LRP1B: variants seen among roughly 807,000 people sequenced by gnomAD.
LRP1B encodes low-density lipoprotein receptor-related protein 1B.
A neutral mutation model predicts 556.6 loss-of-function variants in LRP1B; 217 were observed. The observed-to-expected ratio is 0.39, with a 90% CI of 0.35 to 0.44. The LOEUF is 0.44. Among genes scored for constraint, LRP1B ranks in the 20% least tolerant of loss-of-function variants. The pLI is 1.00. For synonymous variants in LRP1B, 2,047 were observed against 1,865.8 expected, an observed-to-expected ratio of 1.10 and a Z score of -2.50; for missense variants, 5,053 against 5,620.8, an observed-to-expected ratio of 0.90 and a Z score of 3.23.
At chr2:140,688,448 G>GAATA (rs1472150461) in intron 41 of LRP1B, among the ~76,000 whole-genome samples, 1 of 142,914 alleles carries the variant, frequency 7.0e-6, no homozygotes, top group Non-Finnish European at 1.5e-5. Context: ...GGTTTTCAAG[G>GAATA]AATATAACAG....
intron 23 of LRP1B, among the ~76,000 whole-genome samples, chr2:140,891,401 A>G (rs895409795): frequency 1.3e-5 from 2 of 152,168 alleles, no homozygotes; most frequent in Non-Finnish European, 2.9e-5. Context: ...ACAACTAGCA[A>G]TTCTATGTGA....
rs369966976 is a variant in LRP1B at position 140,406,911 on chromosome 2, C to A, written c.10415-20902G>T. On this transcript the variant is annotated intron_variant, in intron 66 of 90. Coordinates refer to ENST00000389484, the MANE Select transcript of LRP1B (RefSeq NM_018557.3). The stretch of plus-strand genomic sequence containing the variant: ...GCAATACTACGTAAAAAGAACAAAT[C>A]TGGAGGCATTACAGTACCAGACTTC... Among the ~76,000 whole-genome samples the A allele has an allele frequency of 7.9e-5, 12 of 152,218 alleles. No individual in the cohort carries two copies. The South Asian group carries it at 2.5e-3, about 32-fold the overall frequency.
At chr2:141,114,392 T>A (rs1382062852) in intron 7 of LRP1B, among the ~76,000 whole-genome samples, 6 of 152,164 alleles carry the variant, frequency 3.9e-5, no homozygotes, top group Admixed American at 2.6e-4. Flanking sequence ...GATGATGAAT[T>A]CAGGGATTTT....
intron 1 of LRP1B, among the ~76,000 whole-genome samples, chr2:142,130,418 C>T (rs1707809349): frequency 6.6e-6 from 1 of 152,274 alleles, no homozygotes; most frequent in African/African-American, 2.4e-5. Flanking sequence ...AAATGGGGAC[C>T]GGGAAACGGC....
chr2:141,163,850 A>C (rs1387207234), intron 7 of LRP1B, among the ~76,000 whole-genome samples: 1 of 152,074 alleles, frequency 6.6e-6, no homozygotes, highest in East Asian at 1.9e-4. Context: ...AAATGAACTA[A>C]TACAGGTATC....
rs563021815 is a variant in LRP1B, at chr2:140,938,516, G to T, written c.3136+11719C>A. Reference sequence around the variant, plus strand: ...ATTGAAATTGAGTATGCAATTGAGAGCAAGGTAGCAGTTACTGGGGGTTCA... The same window carrying T: ...ATTGAAATTGAGTATGCAATTGAGATCAAGGTAGCAGTTACTGGGGGTTCA... On this transcript the variant is annotated intron_variant, in intron 20 of 90. Coordinates refer to ENST00000389484, the MANE Select transcript of LRP1B (RefSeq NM_018557.3). Among the ~76,000 whole-genome samples the T allele has an allele frequency of 5.9e-4, 90 of 152,146 alleles. No individual in the cohort carries two copies. The South Asian group carries it at 8.5e-3, about 14-fold the overall frequency.
At chr2:140,503,206 G>T in intron 53 of LRP1B, 103 bp from the exon 54 acceptor site, 1 of 943,540 alleles carries the variant, frequency 1.1e-6, no homozygotes, top group Non-Finnish European at 1.6e-6. Context: ...GATTACTCAT[G>T]TCTCCCATGA....
rs376664980 is a variant in LRP1B, at chr2:140,475,293, C to A, written c.9470G>T (p.Arg3157Leu). 7 of 1,609,800 alleles carry A rather than the reference C, an allele frequency of 4.3e-6. No homozygotes were observed. The highest frequency in any genetic ancestry group is 5.9e-6 in the Non-Finnish European group (7 of 1,177,544). Residue 3157 changes from arginine (R) to leucine (L), a missense_variant, in exon 60 of 91, where the codon CGT becomes CTT. Transcript: ENST00000389484. ...CTGATTGGTTCCATCCATTCCAACA[C>A]GGCCAATATGAGGATACTCGCAGCA... ...IDCCEYPHIGRVGMDGTNQSV... is the reference protein window; with the variant it reads ...IDCCEYPHIGLVGMDGTNQSV...
intron 1 of LRP1B, among the ~76,000 whole-genome samples, chr2:142,110,470 G>A (rs1412247363): frequency 6.6e-6 from 1 of 152,200 alleles, no homozygotes; most frequent in African/African-American, 2.4e-5. Context: ...CAAGAGAGCA[G>A]TCATGATTTG....
At chr2:141,328,893 G>C (rs752735651) in intron 3 of LRP1B, among the ~76,000 whole-genome samples, 21 of 152,084 alleles carry the variant, frequency 1.4e-4, no homozygotes, top group Non-Finnish European at 2.5e-4. Context: ...GAAGCAGAGA[G>C]TTGACCTAAA....
intron 78 of LRP1B, 113 bp from the exon 79 acceptor site, chr2:140,334,672 T>C (rs998994016): frequency 4.2e-5 from 23 of 551,920 alleles, no homozygotes; most frequent in African/African-American, 2.8e-4. Context: ...CCCCAGAGTC[T>C]CTTAAAAAGA....
intron 3 of LRP1B, among the ~76,000 whole-genome samples, chr2:141,403,478 C>T (rs1690520881): frequency 6.6e-6 from 1 of 152,036 alleles, no homozygotes; most frequent in Non-Finnish European, 1.5e-5. Flanking sequence ...GGTTGAAGTT[C>T]AGATGAAAGC....
intron 6 of LRP1B, among the ~76,000 whole-genome samples, chr2:141,213,741 G>A (rs184391855): frequency 6.6e-6 from 1 of 152,208 alleles, no homozygotes; most frequent in East Asian, 1.9e-4. Context: ...TAGATCAATT[G>A]TAATACCAAA....
intron 82 of LRP1B, among the ~76,000 whole-genome samples, chr2:140,318,374 C>T (rs1182026805): frequency 1.3e-5 from 2 of 151,932 alleles, no homozygotes; most frequent in Non-Finnish European, 2.9e-5. Flanking sequence ...TGAAATCATG[C>T]CTTTTAAGCA....
intron 2 of LRP1B, among the ~76,000 whole-genome samples, chr2:141,570,315 C>T (rs909151689): frequency 1.1e-4 from 17 of 150,946 alleles, no homozygotes; most frequent in African/African-American, 3.9e-4. Context: ...GAGAGCCACA[C>T]GGGGCAGGGG....
chr2:141,422,896 TTAA>T (rs764274412), intron 3 of LRP1B, among the ~76,000 whole-genome samples: 10 of 152,212 alleles, frequency 6.6e-5, no homozygotes, highest in Non-Finnish European at 1.2e-4. Context: ...ACATCAAGGC[TTAA>T]TAGTCAAGAT....
At chr2:141,938,774 A>G (rs1257384564) in intron 1 of LRP1B, among the ~76,000 whole-genome samples, 1 of 151,866 alleles carries the variant, frequency 6.6e-6, no homozygotes. Context: ...GTGTGTGTGT[A>G]TATGTGTATC....
chr2:141,142,426 C>T (rs1380256581), intron 7 of LRP1B, among the ~76,000 whole-genome samples: 1 of 152,138 alleles, frequency 6.6e-6, no homozygotes, highest in Non-Finnish European at 1.5e-5. Context: ...CTTCCCTAAG[C>T]TTCAGCATAA....
intron 6 of LRP1B, among the ~76,000 whole-genome samples, chr2:141,203,143 A>G (rs1682115281): frequency 6.6e-6 from 1 of 152,218 alleles, no homozygotes; most frequent in African/African-American, 2.4e-5. Context: ...AAGGAGGAAA[A>G]CAACTAGATA....
Sources: allele counts gnomAD v4.1 joint callset (sites outside exome capture counted in the v4.1 genomes callset), GRCh38; gene constraint gnomAD v4.1.1; transcripts MANE v1.5; gene names NCBI Gene and HGNC (gene_info 2026-07-23, HGNC 2026-07-21).